The following ANKRD36C variants were observed in gnomAD, a reference collection of about 807,000 sequenced individuals.
ANKRD36C encodes the protein ankyrin repeat domain 36C, also known as ankyrin repeat domain-containing protein 36C.
Under a neutral mutation model 276.4 loss-of-function variants are expected in ANKRD36C, and 61 were observed. That is an observed-to-expected ratio of 0.22 (90% CI 0.18 to 0.27). ANKRD36C has a LOEUF of 0.27. ANKRD36C is among the 10% of genes least tolerant of loss of function. ANKRD36C has a pLI of 1.00. For synonymous variants in ANKRD36C, 483 were observed against 680.1 expected (o/e 0.71, Z 4.51); for missense variants, 1,447 against 2,032.3 (o/e 0.71, Z 5.54).
At chr2:95,879,571 A>G (rs1676030167) in intron 58 of ANKRD36C, among the ~76,000 whole-genome samples, 1 of 152,086 alleles carries the variant, frequency 6.6e-6, no homozygotes, top group African/African-American at 2.4e-5. Flanking sequence ...ATAAACATAA[A>G]CACCTACAAT....
intron 42 of ANKRD36C, among the ~76,000 whole-genome samples, chr2:95,909,725 A>G (rs1235481531): frequency 2.2e-4 from 33 of 150,936 alleles, no homozygotes; most frequent in Admixed American, 1.3e-3. Context: ...AAGAGGAGTA[A>G]TGAGTCAGTG....
intron 3 of ANKRD36C, among the ~76,000 whole-genome samples, chr2:95,984,241 G>A (rs972189236): frequency 6.6e-6 from 1 of 151,446 alleles, no homozygotes; most frequent in African/African-American, 2.4e-5. Flanking sequence ...CAGAGGCAAG[G>A]GAGATGACCT....
chr2:95,983,975 T>C (rs2104540387), intron 3 of ANKRD36C, among the ~76,000 whole-genome samples: 1 of 152,316 alleles, frequency 6.6e-6, no homozygotes, highest in South Asian at 2.1e-4. Flanking sequence ...GTCTGCAATA[T>C]GCATAACCTA....
intron 48 of ANKRD36C, 60 bp from the exon 69 acceptor site, chr2:95,888,180 A>C: frequency 6.2e-7 from 1 of 1,603,046 alleles, no homozygotes; most frequent in Non-Finnish European, 8.5e-7. Flanking sequence ...TTATCCATAC[A>C]TTCATGCACT....
chr2:95,944,478 G>A (rs1677979464), intron 19 of ANKRD36C, 149 bp downstream of exon 19: 6 of 741,566 alleles, frequency 8.1e-6, no homozygotes, highest in Non-Finnish European at 1.3e-5. Context: ...ACAGGGAGAT[G>A]GCAAGTGAAT....
At chr2:95,961,265 T>C (rs946580503) in intron 8 of ANKRD36C, among the ~76,000 whole-genome samples, 1 of 152,064 alleles carries the variant, frequency 6.6e-6, no homozygotes, top group African/African-American at 2.4e-5. Flanking sequence ...TGTGGAGTCA[T>C]AATGTGCCTA....
chr2:95,972,977 A>G (rs1434441071), intron 6 of ANKRD36C, among the ~76,000 whole-genome samples: 2 of 152,190 alleles, frequency 1.3e-5, no homozygotes, highest in Non-Finnish European at 2.9e-5. Flanking sequence ...AGGTGCAATG[A>G]CACACACCTG....
chr2:95,979,433 C>A (rs2918845), intron 5 of ANKRD36C, among the ~76,000 whole-genome samples: 1 of 152,098 alleles, frequency 6.6e-6, no homozygotes, highest in East Asian at 1.9e-4. Flanking sequence ...TCTAACTAAC[C>A]AACTTGAGAC....
chr2:95,893,326 A>G (rs1476612411), intron 44 of ANKRD36C, among the ~76,000 whole-genome samples: 1 of 151,026 alleles, frequency 6.6e-6, no homozygotes, highest in African/African-American at 2.4e-5. Context: ...TCCAACTTCA[A>G]TGTGGGGAAC....
intron 6 of ANKRD36C, among the ~76,000 whole-genome samples, chr2:95,970,210 G>A (rs1377051671): frequency 6.6e-6 from 1 of 152,202 alleles, no homozygotes; most frequent in Non-Finnish European, 1.5e-5. Context: ...ATGCAGAAGA[G>A]CCTAAGAGAG....
chr2:95,910,548 C>G (rs1427171759), intron 42 of ANKRD36C: 2 of 1,606,498 alleles, frequency 1.2e-6, no homozygotes, highest in Non-Finnish European at 1.7e-6. Context: ...ACCTTCAAGG[C>G]TGGTGGTTTC....
At chr2:95,885,512 C>T (rs1042738291) in intron 52 of ANKRD36C, among the ~76,000 whole-genome samples, 1 of 151,166 alleles carries the variant, frequency 6.6e-6, no homozygotes, top group African/African-American at 2.4e-5. Context: ...GAAGTGAGTT[C>T]ACTCAGCTTT....
chr2:95,859,375 T>C (rs1458007549), intron 61 of ANKRD36C, among the ~76,000 whole-genome samples: 2 of 152,160 alleles, frequency 1.3e-5, no homozygotes, highest in African/African-American at 4.8e-5. Flanking sequence ...AAAATATCTG[T>C]TTTATACTCT....
chr2:95,855,283 C>T, exon 63 of ANKRD36C: 1 of 1,594,722 alleles, frequency 6.3e-7, no homozygotes, highest in South Asian at 1.1e-5. Flanking sequence ...TCTGCTTTCT[C>T]TTTTTCATAT....
rs186480307 is a variant in ANKRD36C at position 95,869,684 on chromosome 2, G to A, written c.3541-2103C>T. On this transcript the variant is annotated intron_variant, in intron 59 of 66. Transcript: ENST00000456556. Reference sequence around the variant, plus strand: ...TGCTGGACAGTGGGTGCAGTGCACCGTGCGTGACCCAAAGGAGGGTGAGGC... The same window carrying A: ...TGCTGGACAGTGGGTGCAGTGCACCATGCGTGACCCAAAGGAGGGTGAGGC... Among the ~76,000 whole-genome samples the A allele has an allele frequency of 1.5e-3, 224 of 152,342 alleles. 1 individual carries two copies. In the Middle Eastern group the frequency reaches 0.024, roughly 16 times the overall value.
At chr2:95,889,579 T>C (rs1174311246) in intron 48 of ANKRD36C, among the ~76,000 whole-genome samples, 3 of 151,528 alleles carry the variant, frequency 2.0e-5, no homozygotes, top group Non-Finnish European at 4.4e-5. Context: ...GATGGTTCTT[T>C]TTCCCAATTT....
chr2:95,986,710 G>A (rs756333948), intron 3 of ANKRD36C, 41 bp downstream of exon 3: 1 of 1,534,992 alleles, frequency 6.5e-7, no homozygotes, highest in Non-Finnish European at 8.8e-7. Flanking sequence ...TAAAATAAAT[G>A]CATTTCAGAT....
At chr2:95,966,660 T>C (rs1416181110) in intron 6 of ANKRD36C, among the ~76,000 whole-genome samples, 8 of 152,158 alleles carry the variant, frequency 5.3e-5, no homozygotes, top group African/African-American at 1.4e-4. Flanking sequence ...TTTTTTTGGT[T>C]CCATATGAAA....
exon 63 of ANKRD36C, chr2:95,855,612 C>T (rs1219394655): frequency 2.4e-5 from 38 of 1,610,782 alleles, no homozygotes; most frequent in Non-Finnish European, 3.1e-5. Context: ...CTTTAGCTCA[C>T]TTTGCACGTG....
Sources: allele counts gnomAD v4.1 joint callset (sites outside exome capture counted in the v4.1 genomes callset), GRCh38; gene constraint gnomAD v4.1.1; transcripts MANE v1.5; gene names NCBI Gene and HGNC (gene_info 2026-07-23, HGNC 2026-07-21).